The following TENM3 variants were observed in gnomAD, a reference collection of about 807,000 sequenced individuals.
The protein encoded by TENM3 is teneurin transmembrane protein 3, also known as teneurin-3.
TENM3 carries 63 observed loss-of-function variants against 255.1 expected under a neutral mutation model. That is an observed-to-expected ratio of 0.25 (90% CI 0.20 to 0.30). The LOEUF (loss-of-function observed/expected upper bound fraction) is 0.30. Ranked by LOEUF, TENM3 falls within the 10% of genes least tolerant of loss-of-function variation. The pLI is 1.00. For missense variants in TENM3, 2,929 were observed against 3,461.1 expected, an observed-to-expected ratio of 0.85 and a Z score of 3.86; for synonymous variants, 1,306 against 1,322.3, an observed-to-expected ratio of 0.99 and a Z score of 0.27.
At chr4:182,588,499 A>C (rs1187813080) in intron 3 of TENM3, among the ~76,000 whole-genome samples, 1 of 152,216 alleles carries the variant, frequency 6.6e-6, no homozygotes, top group Admixed American at 6.5e-5. Flanking sequence ...AAGTCAATAA[A>C]ATTTAATTTC....
the TENM3 span, among the ~76,000 whole-genome samples, chr4:181,586,731 T>G: frequency 0.082 from 12,534 of 151,960 alleles, 829 homozygotes; most frequent in African/African-American, 0.18. Flanking sequence ...TCCTAGCTAC[T>G]CGGGAGGCCA....
At chr4:181,919,963 T>A in the TENM3 span, among the ~76,000 whole-genome samples, 1 of 142,416 alleles carries the variant, frequency 7.0e-6, no homozygotes, top group Non-Finnish European at 1.5e-5. Flanking sequence ...AGTTCCCACC[T>A]ATGAGTGAGA....
chr4:182,476,563 CAT>C (rs1254590317), intron 3 of TENM3, among the ~76,000 whole-genome samples: 2 of 152,164 alleles, frequency 1.3e-5, no homozygotes, highest in East Asian at 1.9e-4. Flanking sequence ...TAGAAACATA[CAT>C]GTGTGTATAT....
intron 3 of TENM3, among the ~76,000 whole-genome samples, chr4:182,478,233 A>G (rs77500691): frequency 0.013 from 1,959 of 152,226 alleles, 24 homozygotes; most frequent in South Asian, 0.046. Flanking sequence ...AAAAATAAAC[A>G]CTAAAAATAA....
At chr4:181,834,060 G>A in the TENM3 span, among the ~76,000 whole-genome samples, 3 of 150,984 alleles carry the variant, frequency 2.0e-5, no homozygotes, top group Non-Finnish European at 2.9e-5. Flanking sequence ...GTGCATTTTA[G>A]ATTCATACAT....
the TENM3 span, among the ~76,000 whole-genome samples, chr4:181,837,262 TG>T: frequency 6.6e-6 from 1 of 152,168 alleles, no homozygotes; most frequent in Non-Finnish European, 1.5e-5. Context: ...TAATATTGAA[TG>T]GAAGTGGTAT....
intron 1 of TENM3, among the ~76,000 whole-genome samples, chr4:182,322,450 G>A (rs1173503753): frequency 6.6e-6 from 1 of 152,168 alleles, no homozygotes; most frequent in Non-Finnish European, 1.5e-5. Context: ...TCTGGGCTGT[G>A]GAACTCTGTG....
the TENM3 span, among the ~76,000 whole-genome samples, chr4:181,740,275 T>A: frequency 3.3e-5 from 5 of 152,196 alleles, no homozygotes; most frequent in African/African-American, 1.2e-4. Context: ...GTCTTGAAGT[T>A]AATGACAGAT....
the TENM3 span, among the ~76,000 whole-genome samples, chr4:181,550,877 T>A: frequency 6.6e-6 from 1 of 152,200 alleles, no homozygotes; most frequent in Non-Finnish European, 1.5e-5. Flanking sequence ...AAGTCCATGC[T>A]CTCCTGCAAA....
At chr4:182,572,509 A>C (rs534832455) in intron 3 of TENM3, among the ~76,000 whole-genome samples, 1 of 152,332 alleles carries the variant, frequency 6.6e-6, no homozygotes, top group South Asian at 2.1e-4. Context: ...TACATTAAGA[A>C]ATGCAGTAGC....
At chr4:181,858,439 T>C in the TENM3 span, among the ~76,000 whole-genome samples, 1 of 152,140 alleles carries the variant, frequency 6.6e-6, no homozygotes, top group Non-Finnish European at 1.5e-5. Context: ...GGCTAATGCT[T>C]TGTGTGTTAG....
intron 3 of TENM3, among the ~76,000 whole-genome samples, chr4:182,587,735 T>C (rs146776575): frequency 1.6e-4 from 24 of 152,310 alleles, no homozygotes; most frequent in Non-Finnish European, 2.4e-4. Context: ...GCTTGAAAGA[T>C]GCATCCTAGC....
intron 13 of TENM3, among the ~76,000 whole-genome samples, chr4:182,727,994 G>T (rs2152706296): frequency 6.6e-6 from 1 of 151,790 alleles, no homozygotes; most frequent in South Asian, 2.1e-4. Flanking sequence ...CTGAGTAGCT[G>T]GGACAACAGG....
At chr4:182,053,638 T>C in the TENM3 span, among the ~76,000 whole-genome samples, 1 of 152,122 alleles carries the variant, frequency 6.6e-6, no homozygotes, top group Non-Finnish European at 1.5e-5. Context: ...GCCCCTCAAG[T>C]GGGGAGGTTG....
At chr4:182,186,772 T>C (rs1219904887) in intron 1 of TENM3, among the ~76,000 whole-genome samples, 2 of 24,090 alleles carry the variant, frequency 8.3e-5, no homozygotes, top group African/African-American at 1.8e-4. Flanking sequence ...CATATATATA[T>C]ATATATATAT....
the TENM3 span, among the ~76,000 whole-genome samples, chr4:181,491,686 A>G: frequency 6.6e-6 from 1 of 152,146 alleles, no homozygotes; most frequent in African/African-American, 2.4e-5. Context: ...AGGTTAAGTA[A>G]TGATTTTCTT....
intron 12 of TENM3, among the ~76,000 whole-genome samples, chr4:182,712,645 G>T (rs943072726): frequency 6.6e-6 from 1 of 152,156 alleles, no homozygotes; most frequent in Non-Finnish European, 1.5e-5. Flanking sequence ...TTAAGAGACA[G>T]AATGTCTCTT....
chr4:182,560,670 G>A (rs974063743), intron 3 of TENM3, among the ~76,000 whole-genome samples: 4 of 152,282 alleles, frequency 2.6e-5, no homozygotes, highest in Admixed American at 2.0e-4. Flanking sequence ...TATCACATCT[G>A]TTTCATGCTG....
At chr4:182,598,402 T>TCCTCC (rs1451584715) in intron 3 of TENM3, among the ~76,000 whole-genome samples, 2 of 152,178 alleles carry the variant, frequency 1.3e-5, no homozygotes, top group East Asian at 3.9e-4. Context: ...AGAGCATGGA[T>TCCTCC]CCTCGTGTGG....
Sources: gnomAD v4.1 joint callset for allele counts (sites outside exome capture counted in the v4.1 genomes callset) on GRCh38, gnomAD v4.1.1 for gene constraint, MANE v1.5 for transcripts, NCBI Gene and HGNC (gene_info 2026-07-23, HGNC 2026-07-21) for gene names.